LINGO1: variants seen among roughly 807,000 people sequenced by gnomAD.
LINGO1 encodes leucine-rich repeat and immunoglobulin-like domain-containing nogo receptor-interacting protein 1.
Under a neutral mutation model 37.3 loss-of-function variants are expected in LINGO1, and 11 were observed. That is an observed-to-expected ratio of 0.29 (90% CI 0.19 to 0.49). The LOEUF is 0.49. Ranked by LOEUF, LINGO1 falls within the 20% of genes least tolerant of loss-of-function variation. The pLI is 0.99. For synonymous variants in LINGO1, 387 were observed against 403.0 expected (o/e 0.96, Z 0.48); for missense variants, 585 against 878.2 (o/e 0.67, Z 4.22).
intron 3 of LINGO1, among the ~76,000 whole-genome samples, chr15:77,672,367 G>C (rs149409690): frequency 2.0e-5 from 3 of 152,174 alleles, no homozygotes; most frequent in Non-Finnish European, 2.9e-5. Flanking sequence ...GCCTGCAGAG[G>C]TGTTAACTGA....
At chr15:77,688,733 G>A (rs543678848) in intron 2 of LINGO1, among the ~76,000 whole-genome samples, 1 of 152,372 alleles carries the variant, frequency 6.6e-6, no homozygotes, top group African/African-American at 2.4e-5. Context: ...AACAGAAGCA[G>A]CACATGCTGA....
chr15:77,695,018 C>T (rs2075667014), intron 1 of LINGO1, among the ~76,000 whole-genome samples: 1 of 152,100 alleles, frequency 6.6e-6, no homozygotes, highest in Admixed American at 6.6e-5. Flanking sequence ...AATTTTTGAC[C>T]AGCAGTTTGC....
chr15:77,746,933 G>T (rs530671844), intron 1 of LINGO1, among the ~76,000 whole-genome samples: 1 of 152,106 alleles, frequency 6.6e-6, no homozygotes, highest in Non-Finnish European at 1.5e-5. Flanking sequence ...AGCTGGCCCA[G>T]ACCAAAACCC....
chr15:77,654,189 A>G (rs141271496), intron 3 of LINGO1, among the ~76,000 whole-genome samples: 139 of 152,296 alleles, frequency 9.1e-4, no homozygotes, highest in African/African-American at 3.1e-3. Context: ...GGGGTCCTCA[A>G]TGAGGAGTGG....
At chr15:77,746,794 C>A (rs1165458726) in intron 1 of LINGO1, among the ~76,000 whole-genome samples, 3 of 152,148 alleles carry the variant, frequency 2.0e-5, no homozygotes, top group Admixed American at 6.5e-5. Flanking sequence ...CTTACAGATG[C>A]TTAATGAATG....
chr15:77,776,444 C>A (rs1413499926), intron 1 of LINGO1, among the ~76,000 whole-genome samples: 1 of 17,398 alleles, frequency 5.7e-5, no homozygotes, highest in Non-Finnish European at 1.4e-4. Flanking sequence ...TGTCCCGGGG[C>A]TTTAGCAGGA....
chr15:77,808,907 G>A (rs2076981288), intron 1 of LINGO1, among the ~76,000 whole-genome samples: 1 of 152,172 alleles, frequency 6.6e-6, no homozygotes, highest in Non-Finnish European at 1.5e-5. Context: ...CCAGGCCTCG[G>A]ATGGCCCATA....
chr15:77,760,136 G>A (rs1198483241), intron 1 of LINGO1, among the ~76,000 whole-genome samples: 1 of 152,216 alleles, frequency 6.6e-6, no homozygotes, highest in Non-Finnish European at 1.5e-5. Context: ...CGTGTTTCTG[G>A]TTGTCATTCC....
rs937094180 is a variant in LINGO1 at position 77,715,222 on chromosome 15, G to A, written c.-195+19770C>T. ...CACCCCTTTCACACATCCATGGGGC[G>A]CTAGGAGGAAATGGGGCAGCCCTAT... On this transcript the variant is annotated intron_variant, in intron 2 of 3. Transcript: ENST00000561686. Among the ~76,000 whole-genome samples, 9 of 152,272 alleles carry A rather than the reference G, an allele frequency of 5.9e-5. No individual in the cohort carries two copies. The South Asian group carries it at 1.9e-3, about 32-fold the overall frequency.
At chr15:77,804,985 C>A (rs369731610) in intron 1 of LINGO1, among the ~76,000 whole-genome samples, 1 of 152,204 alleles carries the variant, frequency 6.6e-6, no homozygotes, top group South Asian at 2.1e-4. Flanking sequence ...GCCCACCCCC[C>A]CAACTGCTCC....
rs1338312090 is a variant in LINGO1 at position 77,632,373 on chromosome 15, G to C, written c.-58C>G. 16 of 1,357,418 alleles carry C rather than the reference G, an allele frequency of 1.2e-5. No individual in the cohort carries two copies. The highest frequency in any genetic ancestry group is 1.5e-5 in the Non-Finnish European group (16 of 1,050,372). 84.1% of individuals were successfully genotyped at this position (1,357,418 alleles called of 1,614,324 possible). On this transcript the variant is annotated 5_prime_UTR_variant, in exon 1 of 2. Coordinates refer to ENST00000355300, the MANE Select transcript of LINGO1 (RefSeq NM_032808.7). The surrounding 1 kb of genome is among the most constrained non-coding windows in gnomAD (Gnocchi z 6.0). ...CACCAATCGCATGTCTCTCCAGCCG[G>C]CCCGACCAGGCCCCAGCCCCTGCCC...
chr15:77,767,870 AT>A (rs2076545144), intron 1 of LINGO1, among the ~76,000 whole-genome samples: 1 of 152,244 alleles, frequency 6.6e-6, no homozygotes, highest in Non-Finnish European at 1.5e-5. Context: ...TGGAAGCTAA[AT>A]CCTCAGCTTA....
chr15:77,755,505 C>G lies in LINGO1; in HGVS notation c.-256-20452G>C, dbSNP rs116728944. Among the ~76,000 whole-genome samples, 1,298 of 152,318 alleles carry G rather than the reference C, an allele frequency of 8.5e-3. 25 individuals are homozygous for G. Among genetic ancestry groups the G allele is most frequent in the African/African-American group, 0.029 (1,221 of 41,568 alleles). On this transcript the variant is annotated intron_variant, in intron 1 of 3. Transcript: ENST00000561686. ...CTGAGCAGGCCACTACCTCCCTGACCCCGCATTTCTTTATCTGTAAAATGA... is the reference window on the plus strand; with the variant it reads ...CTGAGCAGGCCACTACCTCCCTGACGCCGCATTTCTTTATCTGTAAAATGA...
intron 1 of LINGO1, among the ~76,000 whole-genome samples, chr15:77,817,368 G>C (rs1196462645): frequency 6.6e-6 from 1 of 152,200 alleles, no homozygotes; most frequent in Non-Finnish European, 1.5e-5. Flanking sequence ...GCCCACAGAG[G>C]GGCTCTAGGA....
intron 1 of LINGO1, among the ~76,000 whole-genome samples, chr15:77,747,462 C>G (rs2141359819): frequency 6.6e-6 from 1 of 152,344 alleles, no homozygotes; most frequent in Middle Eastern, 3.4e-3. Flanking sequence ...CTGCAAGCCT[C>G]TTCATTACTT....
At chr15:77,756,627 C>A (rs1427880270) in intron 1 of LINGO1, among the ~76,000 whole-genome samples, 2 of 152,174 alleles carry the variant, frequency 1.3e-5, no homozygotes, top group Admixed American at 1.3e-4. Flanking sequence ...AGGAAGTGAA[C>A]GTGACCATTT....
At chr15:77,677,052 G>C (rs140515958) in intron 3 of LINGO1, 4 of 152,404 alleles carry the variant, frequency 2.6e-5, no homozygotes, top group Non-Finnish European at 5.9e-5. Flanking sequence ...AAGCACAGAA[G>C]CATGAGGCAG....
At position 77,657,412 on chromosome 15, in the gene LINGO1, C is replaced by T. The variant is rs1289899662; in HGVS notation, c.-13+19677G>A. Among the ~76,000 whole-genome samples the T allele has an allele frequency of 2.6e-5, 4 of 152,130 alleles. No homozygotes were observed. The East Asian group carries it at 7.7e-4, about 29-fold the overall frequency. Reference sequence around the variant, plus strand: ...CCCACTCAGTGTTCATGAATGTGGCCCCTTCACCAGCTCAGGCCATTCTCT... The same window carrying T: ...CCCACTCAGTGTTCATGAATGTGGCTCCTTCACCAGCTCAGGCCATTCTCT... On this transcript the variant is annotated intron_variant, in intron 3 of 3. Coordinates refer to the LINGO1 transcript ENST00000559893.
At chr15:77,780,161 T>C (rs2076701512) in intron 1 of LINGO1, among the ~76,000 whole-genome samples, 2 of 151,890 alleles carry the variant, frequency 1.3e-5, no homozygotes, top group South Asian at 4.2e-4. Flanking sequence ...AACAAAATAG[T>C]AGAATGTGTT....
Sources: gnomAD v4.1 joint callset for allele counts (sites outside exome capture counted in the v4.1 genomes callset) on GRCh38, gnomAD v4.1.1 for gene constraint, Gnocchi (gnomAD v3.1) non-coding constraint, MANE v1.5 for transcripts, NCBI Gene and HGNC (gene_info 2026-07-23, HGNC 2026-07-21) for gene names.